ZNF280D: variants seen among roughly 807,000 people sequenced by gnomAD.
The protein encoded by ZNF280D is zinc finger protein 280D.
ZNF280D carries 39 observed loss-of-function variants against 94.7 expected under a neutral mutation model. That is an observed-to-expected ratio of 0.41 (90% CI 0.32 to 0.54). The LOEUF is 0.54. Among genes scored for constraint, ZNF280D ranks in the 20% least tolerant of loss-of-function variants. ZNF280D has a pLI of 0.22. For missense variants in ZNF280D, 1,090 were observed against 1,149.3 expected, an observed-to-expected ratio of 0.95 and a Z score of 0.75; for synonymous variants, 398 against 377.6, an observed-to-expected ratio of 1.05 and a Z score of -0.63.
intron 1 of ZNF280D, among the ~76,000 whole-genome samples, chr15:56,717,160 G>A (rs1416622419): frequency 6.6e-6 from 1 of 152,180 alleles, no homozygotes; most frequent in Admixed American, 6.5e-5. Flanking sequence ...CCTGGTACCA[G>A]AGGGAGAGTC....
At chr15:56,635,860 G>C (rs1027068182) in intron 20 of ZNF280D, 2 of 152,276 alleles carry the variant, frequency 1.3e-5, no homozygotes, top group Admixed American at 6.5e-5. Flanking sequence ...GAGTACATAT[G>C]ATGCATGAAG....
At chr15:56,715,348 G>C (rs1304338888) in intron 1 of ZNF280D, among the ~76,000 whole-genome samples, 3 of 152,098 alleles carry the variant, frequency 2.0e-5, no homozygotes, top group Admixed American at 6.6e-5. Flanking sequence ...TACAAAGTAA[G>C]AATCCTATTC....
chr15:56,729,782 T>A (rs185939832), intron 1 of ZNF280D: 161 of 152,184 alleles, frequency 1.1e-3, no homozygotes, highest in African/African-American at 3.7e-3. Context: ...TCTGCACAGA[T>A]CTGAAAATGG....
intron 20 of ZNF280D, among the ~76,000 whole-genome samples, chr15:56,640,073 C>T (rs1178828461): frequency 2.0e-5 from 3 of 151,704 alleles, no homozygotes; most frequent in Admixed American, 2.0e-4. Context: ...ACTAAACAAA[C>T]GAGTAAAAAA....
At chr15:56,645,402 T>C (rs191167584) in intron 19 of ZNF280D, 4 of 152,234 alleles carry the variant, frequency 2.6e-5, no homozygotes, top group Admixed American at 6.5e-5. Flanking sequence ...GTGATCAAGA[T>C]TGCAAGAAAT....
chr15:56,660,201 T>C (rs1261798304), intron 16 of ZNF280D, among the ~76,000 whole-genome samples: 4 of 152,152 alleles, frequency 2.6e-5, no homozygotes, highest in Admixed American at 1.3e-4. Context: ...TCCAAGATTT[T>C]GTTTGATTAC....
At chr15:56,653,751 G>T in intron 19 of ZNF280D, 1 of 1,285,968 alleles carries the variant, frequency 7.8e-7, no homozygotes. Context: ...TATTCTGAAG[G>T]CAAGTACAGC....
At chr15:56,644,092 T>C (rs1260292075) in intron 19 of ZNF280D, among the ~76,000 whole-genome samples, 1 of 152,054 alleles carries the variant, frequency 6.6e-6, no homozygotes, top group Non-Finnish European at 1.5e-5. Context: ...TATCTGTATT[T>C]TAGCTATTAG....
chr15:56,715,985 G>A (rs2058023148), intron 1 of ZNF280D, among the ~76,000 whole-genome samples: 2 of 152,122 alleles, frequency 1.3e-5, no homozygotes, highest in South Asian at 2.1e-4. Flanking sequence ...GGTATCATAA[G>A]TAATCTAGAG....
In ZNF280D at chr15:56,705,764, CTAT is replaced by C. The variant is rs879562123; in HGVS notation, c.28+1315_28+1317del. ...ATTTAACATATACGATCTCAAACTG[CTAT>C]TTTTTCATGTGTCTTAATTTTATAT... is the stretch of plus-strand genomic sequence containing the variant. On this transcript the variant is annotated intron_variant, in intron 3 of 21. Transcript: ENST00000267807. Among the ~76,000 whole-genome samples the C allele has an allele frequency of 4.3e-3, 657 of 152,078 alleles. 15 individuals are homozygous for C. Among genetic ancestry groups the C allele is most frequent in the Admixed American group, 0.037 (561 of 15,262 alleles).
At chr15:56,731,506 C>CAAAAAAA (rs752976383) in intron 1 of ZNF280D, among the ~76,000 whole-genome samples, 3 of 80,862 alleles carry the variant, frequency 3.7e-5, no homozygotes, top group East Asian at 7.8e-4. Flanking sequence ...GTACCTATCT[C>CAAAAAAA]AAAAAAAAAA....
chr15:56,686,628 A>G (rs2056034122), intron 9 of ZNF280D, among the ~76,000 whole-genome samples: 1 of 152,214 alleles, frequency 6.6e-6, no homozygotes, highest in Non-Finnish European at 1.5e-5. Context: ...AATATAATTA[A>G]TAAGCTATAT....
chr15:56,731,372 G>A (rs114870103), intron 1 of ZNF280D, among the ~76,000 whole-genome samples: 1,567 of 151,902 alleles, frequency 0.01, 24 homozygotes, highest in African/African-American at 0.036. Context: ...GTGTGGTGGC[G>A]TGCTCCTGGG....
chr15:56,687,599 A>G (rs1272584710), intron 9 of ZNF280D, among the ~76,000 whole-genome samples: 1 of 152,202 alleles, frequency 6.6e-6, no homozygotes, highest in Non-Finnish European at 1.5e-5. Context: ...CAGGCTTTTT[A>G]ATTTTGAATC....
In ZNF280D at chr15:56,668,948, T is replaced by C. The variant is rs1451107091; in HGVS notation, c.1420A>G (p.Ile474Val). Reference sequence around the variant, plus strand: ...AGCCTGCATTTTGTACAACGATGTATTCCTTTTTTCTGTTTAGAAAAAAAC... The same window carrying C: ...AGCCTGCATTTTGTACAACGATGTACTCCTTTTTTCTGTTTAGAAAAAAAC... The part of the protein sequence containing the change: ...HHYMKHQKKG[I>V]HRCTKCRLQF... The change falls in exon 14 of 22, where the codon ATA becomes GTA. Residue 474 changes from isoleucine (I) to valine (V), a missense_variant. By Grantham distance (29) the Ile-to-Val change is conservative. This residue lies in a region of ZNF280D where 127 missense variants were observed against 208.6 expected (regional missense o/e 0.61). Coordinates refer to ENST00000267807, the MANE Select transcript of ZNF280D (RefSeq NM_017661.4). The C allele has an allele frequency of 3.1e-6, 5 of 1,605,190 alleles. No homozygotes were observed. The highest frequency in any genetic ancestry group is 4.2e-6 in the Non-Finnish European group (5 of 1,177,286).
chr15:56,685,860 T>C (rs1399745915), intron 9 of ZNF280D, among the ~76,000 whole-genome samples: 1 of 152,118 alleles, frequency 6.6e-6, no homozygotes, highest in Non-Finnish European at 1.5e-5. Flanking sequence ...CAAATAAATC[T>C]ATCATATTGG....
At chr15:56,719,095 T>C (rs1430982907) in intron 1 of ZNF280D, among the ~76,000 whole-genome samples, 1 of 152,156 alleles carries the variant, frequency 6.6e-6, no homozygotes, top group Non-Finnish European at 1.5e-5. Context: ...ATAGATCCCA[T>C]AGTCTCAGCT....
chr15:56,664,548 AAAG>A (rs1468214283), intron 16 of ZNF280D, among the ~76,000 whole-genome samples: 1 of 152,180 alleles, frequency 6.6e-6, no homozygotes, highest in African/African-American at 2.4e-5. Flanking sequence ...GTGGGGTTGA[AAAG>A]AGTTAATTTT....
intron 7 of ZNF280D, 141 bp from the exon 8 acceptor site, chr15:56,689,611 A>T (rs947303706): frequency 3.8e-6 from 2 of 520,716 alleles, no homozygotes; most frequent in Non-Finnish European, 6.2e-6. Flanking sequence ...ACTTGATATG[A>T]TCCAAACTCA....
Sources: allele counts gnomAD v4.1 joint callset (sites outside exome capture counted in the v4.1 genomes callset), GRCh38; gene constraint gnomAD v4.1.1; regional missense constraint gnomAD v4.1.1; transcripts MANE v1.5; gene names NCBI Gene and HGNC (gene_info 2026-07-23, HGNC 2026-07-21).